NRG1: variants seen among roughly 807,000 people sequenced by gnomAD.
NRG1 encodes the protein neuregulin 1.
Under a neutral mutation model 63.8 loss-of-function variants are expected in NRG1, and 18 were observed. The ratio of observed to expected loss-of-function variants is 0.28; its 90% confidence interval spans 0.19 to 0.42. NRG1 has a LOEUF of 0.42. Among genes scored for constraint, NRG1 ranks in the 10% least tolerant of loss-of-function variants. The pLI is 1.00. For missense variants in NRG1, 762 were observed against 814.7 expected (o/e 0.94, Z 0.79); for synonymous variants, 302 against 301.3 (o/e 1.00, Z -0.02).
intron 1 of NRG1, among the ~76,000 whole-genome samples, chr8:32,395,092 C>G (rs1315992008): frequency 6.6e-6 from 1 of 152,154 alleles, no homozygotes; most frequent in Non-Finnish European, 1.5e-5. Context: ...ATATGTAATA[C>G]TTTCTAAATA....
chr8:31,895,449 G>A (rs1831503957), intron 1 of NRG1, among the ~76,000 whole-genome samples: 1 of 152,180 alleles, frequency 6.6e-6, no homozygotes, highest in Admixed American at 6.5e-5. Context: ...CTTTGTTGAT[G>A]GTAAAATTCT....
At chr8:32,461,542 T>C (rs1018351193) in intron 1 of NRG1, among the ~76,000 whole-genome samples, 1 of 151,948 alleles carries the variant, frequency 6.6e-6, no homozygotes, top group African/African-American at 2.4e-5. Flanking sequence ...CTACTAAAAA[T>C]ACAAAATTAG....
chr8:32,171,141 T>C (rs989461344), intron 1 of NRG1, among the ~76,000 whole-genome samples: 3 of 152,218 alleles, frequency 2.0e-5, no homozygotes, highest in Non-Finnish European at 2.9e-5. Context: ...ATTCAAATTC[T>C]TTATCACTTG....
At chr8:31,672,535 C>T (rs1383881236) in intron 1 of NRG1, among the ~76,000 whole-genome samples, 4 of 151,844 alleles carry the variant, frequency 2.6e-5, no homozygotes, top group Non-Finnish European at 5.9e-5. Context: ...TGTTTTAGAA[C>T]CCATGTACAG....
At chr8:32,752,898 T>C (rs1304841060) in intron 7 of NRG1, among the ~76,000 whole-genome samples, 1 of 152,244 alleles carries the variant, frequency 6.6e-6, no homozygotes, top group Non-Finnish European at 1.5e-5. Flanking sequence ...TTTACTGGAA[T>C]TTGATTATCA....
chr8:32,198,739 T>C (rs1476534903), intron 1 of NRG1, among the ~76,000 whole-genome samples: 1 of 152,208 alleles, frequency 6.6e-6, no homozygotes, highest in African/African-American at 2.4e-5. Context: ...AACTTTAAAT[T>C]AGTTAATGAC....
At chr8:32,620,458 T>G (rs1848131167) in intron 5 of NRG1, among the ~76,000 whole-genome samples, 1 of 148,720 alleles carries the variant, frequency 6.7e-6, no homozygotes. Flanking sequence ...GCAGAGGAGA[T>G]GGATCTGACT....
At chr8:31,751,243 T>C (rs904580908) in intron 1 of NRG1, among the ~76,000 whole-genome samples, 4 of 152,026 alleles carry the variant, frequency 2.6e-5, no homozygotes, top group Non-Finnish European at 5.9e-5. Context: ...TATATCACTT[T>C]TGGAAAAGCT....
chr8:32,694,684 G>A (rs1812774953), intron 5 of NRG1, among the ~76,000 whole-genome samples: 1 of 152,176 alleles, frequency 6.6e-6, no homozygotes, highest in Admixed American at 6.5e-5. Context: ...GTGGGTGTGT[G>A]CACATGTGTG....
chr8:32,210,987 C>T (rs1454986796), intron 1 of NRG1, among the ~76,000 whole-genome samples: 1 of 152,118 alleles, frequency 6.6e-6, no homozygotes, highest in African/African-American at 2.4e-5. Context: ...TGGTTGCTCA[C>T]AATATTAATA....
chr8:32,119,866 C>T (rs920476068), intron 1 of NRG1, among the ~76,000 whole-genome samples: 4 of 152,048 alleles, frequency 2.6e-5, no homozygotes, highest in Non-Finnish European at 5.9e-5. Flanking sequence ...GTGTTTGATC[C>T]ATTTGAAAGT....
intron 1 of NRG1, among the ~76,000 whole-genome samples, chr8:32,294,156 C>T (rs1854561344): frequency 1.3e-5 from 2 of 151,920 alleles, no homozygotes; most frequent in South Asian, 4.1e-4. Context: ...CTCATAAATC[C>T]CCAAGCCCAC....
Position 32,183,350 on chromosome 8 carries a change from C to T in NRG1, c.38-412478C>T, listed in dbSNP as rs75966139. Among the ~76,000 whole-genome samples the T allele has an allele frequency of 9.3e-3, 1,414 of 152,262 alleles. 12 individuals are homozygous for T. Among genetic ancestry groups the T allele is most frequent in the Non-Finnish European group, 0.016 (1,086 of 68,020 alleles). On this transcript the variant is annotated intron_variant, in intron 1 of 10. Coordinates refer to the NRG1 transcript ENST00000519301. ...GGTCAAGTCACTTTCTTCCTGTTCC[C>T]GTCTCCTTCTGTCTTCCTCTCTTTT...
chr8:32,264,465 AG>A lies in NRG1; in HGVS notation c.38-331362del, dbSNP rs1850710326. Among the ~76,000 whole-genome samples the A allele has an allele frequency of 2.0e-5, 3 of 152,234 alleles. No homozygotes were observed. In the South Asian group the frequency reaches 6.2e-4, roughly 31 times the overall value. Reference sequence around the variant, plus strand: ...TAAATGTAAATCAAGCTTTCTAGTAAGCAAAAACAAAAGAGAAAACCTGGTT... The same window carrying A: ...TAAATGTAAATCAAGCTTTCTAGTAACAAAAACAAAAGAGAAAACCTGGTT... On this transcript the variant is annotated intron_variant, in intron 1 of 10. Coordinates refer to the NRG1 transcript ENST00000519301.
At chr8:32,745,037 G>A (rs1827169413) in intron 7 of NRG1, among the ~76,000 whole-genome samples, 1 of 152,128 alleles carries the variant, frequency 6.6e-6, no homozygotes, top group African/African-American at 2.4e-5. Flanking sequence ...CAACAGAGAT[G>A]CCTCATGTCT....
chr8:31,734,189 G>A (rs1043352965), intron 1 of NRG1, among the ~76,000 whole-genome samples: 1 of 152,120 alleles, frequency 6.6e-6, no homozygotes, highest in Non-Finnish European at 1.5e-5. Context: ...AGCCAGGCAT[G>A]GTGGCGCGTA....
chr8:32,755,888 G>T (rs1332866678), intron 8 of NRG1, among the ~76,000 whole-genome samples: 2 of 151,924 alleles, frequency 1.3e-5, no homozygotes, highest in Non-Finnish European at 2.9e-5. Context: ...GACGACAGGT[G>T]CACGCCACCA....
intron 1 of NRG1, among the ~76,000 whole-genome samples, chr8:32,039,088 C>T (rs912465502): frequency 3.3e-5 from 5 of 152,064 alleles, no homozygotes; most frequent in Admixed American, 1.3e-4. Context: ...ATTGCAGCTA[C>T]GAAACTAAAA....
chr8:31,718,111 C>T (rs2131292617), intron 1 of NRG1, among the ~76,000 whole-genome samples: 1 of 152,156 alleles, frequency 6.6e-6, no homozygotes, highest in Admixed American at 6.5e-5. Flanking sequence ...TGCTGAGGAT[C>T]ATTTTTTTGT....
Sources: allele counts gnomAD v4.1 joint callset (sites outside exome capture counted in the v4.1 genomes callset), GRCh38; gene constraint gnomAD v4.1.1; transcripts MANE v1.5; gene names NCBI Gene and HGNC (gene_info 2026-07-23, HGNC 2026-07-21).